The following OPCML variants were observed in gnomAD, a reference collection of about 807,000 sequenced individuals.
OPCML encodes the protein opioid-binding protein/cell adhesion molecule.
Under a neutral mutation model 37.8 loss-of-function variants are expected in OPCML, and 13 were observed. The observed-to-expected ratio is 0.34, with a 90% CI of 0.22 to 0.55. The LOEUF is 0.55. Among genes scored for constraint, OPCML ranks in the 20% least tolerant of loss-of-function variants. The probability of loss-of-function intolerance (pLI) is 0.91; values close to 1 mark genes in which losing one functional copy is unlikely to be tolerated. For missense variants in OPCML, 341 were observed against 435.6 expected (o/e 0.78, Z 1.93); for synonymous variants, 176 against 168.8 (o/e 1.04, Z -0.33).
intron 4 of OPCML, among the ~76,000 whole-genome samples, chr11:132,521,165 C>T (rs1253736059): frequency 1.3e-5 from 2 of 152,080 alleles, no homozygotes; most frequent in Non-Finnish European, 2.9e-5. Flanking sequence ...TTTTTGGCCA[C>T]ATAAATGTCT....
chr11:132,508,469 A>T (rs890770305), intron 4 of OPCML, among the ~76,000 whole-genome samples: 1 of 151,880 alleles, frequency 6.6e-6, no homozygotes, highest in Non-Finnish European at 1.5e-5. Flanking sequence ...GCCAAAAAAA[A>T]CATTGGACAA....
chr11:133,063,811 C>T lies in OPCML; in HGVS notation c.62-120801G>A, dbSNP rs187628968. Among the ~76,000 whole-genome samples the T allele has an allele frequency of 2.2e-3, 341 of 152,300 alleles. 3 individuals are homozygous for T. The highest frequency in any genetic ancestry group is 7.3e-3 in the African/African-American group (305 of 41,572). On this transcript the variant is annotated intron_variant, in intron 1 of 7. Transcript: ENST00000524381. ...TCCTGACCTCAGGTGATCCACCCAC[C>T]TTGGCCTCCCAAAGTGCTGGGATTA...
At chr11:132,839,495 G>A (rs1026949269) in intron 2 of OPCML, among the ~76,000 whole-genome samples, 1 of 152,206 alleles carries the variant, frequency 6.6e-6, no homozygotes, top group Non-Finnish European at 1.5e-5. Context: ...AGGTTTGCTA[G>A]AGCTTTATAA....
chr11:132,685,853 C>T (rs1943142211), intron 2 of OPCML, among the ~76,000 whole-genome samples: 1 of 152,184 alleles, frequency 6.6e-6, no homozygotes, highest in African/African-American at 2.4e-5. Flanking sequence ...AATCCTTTCT[C>T]AACAATGTAA....
At chr11:133,366,667 C>G (rs909911077) in intron 1 of OPCML, among the ~76,000 whole-genome samples, 20 of 152,138 alleles carry the variant, frequency 1.3e-4, no homozygotes, top group Admixed American at 4.6e-4. Context: ...AAAAGAATAC[C>G]CAGGTCTCTA....
rs1948113454 is a variant in OPCML at position 133,050,717 on chromosome 11, T to C, written c.62-107707A>G. Among the ~76,000 whole-genome samples the C allele has an allele frequency of 8.8e-5, 5 of 57,014 alleles. No individual in the cohort carries two copies. The South Asian group carries it at 2.8e-3, about 31-fold the overall frequency. The allele number at this position is 57,014 out of a possible 152,430, so 37.4% of individuals were successfully genotyped here. ...ATGGTCTACCAGTTTCTTCTTCTTC[T>C]TCCTTTTTTTTTTTTTTCAGTGCAT... On this transcript the variant is annotated intron_variant, in intron 1 of 7. Coordinates refer to ENST00000524381, the MANE Select transcript of OPCML (RefSeq NM_001012393.5).
At chr11:132,873,715 C>CAAAAAAAA (rs34642015) in intron 2 of OPCML, among the ~76,000 whole-genome samples, 1 of 111,254 alleles carries the variant, frequency 9.0e-6, no homozygotes, top group African/African-American at 3.2e-5. Context: ...CAGTTGGGCA[C>CAAAAAAAA]AAAAAAAAAA....
chr11:133,345,582 G>A (rs1943980977), intron 1 of OPCML, among the ~76,000 whole-genome samples: 1 of 152,146 alleles, frequency 6.6e-6, no homozygotes, highest in South Asian at 2.1e-4. Context: ...TGTCTTCACT[G>A]TCAGAGAACG....
rs79460946 is a variant in OPCML, at chr11:132,982,319, C to A, written c.62-39309G>T. ...GTGTGATCCCTCTCTCCTTTGAACACCTCTACCTTTCTCTCCCTCCTTAAC... is the reference window on the plus strand; with the variant it reads ...GTGTGATCCCTCTCTCCTTTGAACAACTCTACCTTTCTCTCCCTCCTTAAC... On this transcript the variant is annotated intron_variant, in intron 1 of 7. Transcript: ENST00000524381. Among the ~76,000 whole-genome samples the A allele has an allele frequency of 8.2e-5, 12 of 146,734 alleles. No individual in the cohort carries two copies. In the East Asian group the frequency reaches 2.2e-3, roughly 27 times the overall value.
intron 1 of OPCML, among the ~76,000 whole-genome samples, chr11:133,306,491 T>C (rs1273032208): frequency 2.0e-5 from 3 of 152,178 alleles, no homozygotes; most frequent in Non-Finnish European, 4.4e-5. Context: ...TGTCTTGGAA[T>C]AGGTATAAAA....
intron 1 of OPCML, among the ~76,000 whole-genome samples, chr11:133,470,897 G>A (rs1310100583): frequency 6.6e-6 from 1 of 152,124 alleles, no homozygotes; most frequent in African/African-American, 2.4e-5. Flanking sequence ...TCCAAACAAA[G>A]CTGGTCCCTG....
In OPCML at chr11:133,531,451, C is replaced by T. The variant is rs577080503; in HGVS notation, c.61+813G>A. On this transcript the variant is annotated intron_variant, in intron 1 of 7. Transcript: ENST00000524381. Reference sequence around the variant, plus strand: ...AGGCAAATCCAAATTTCCAACCTTCCCTCAGCAGGGACATCCCAAATTCTG... The same window carrying T: ...AGGCAAATCCAAATTTCCAACCTTCTCTCAGCAGGGACATCCCAAATTCTG... 2.0e-5 allele frequency among the ~76,000 whole-genome samples: 3 copies of T among 152,244 alleles called. No homozygotes were observed. The South Asian group carries it at 6.2e-4, about 32-fold the overall frequency.
intron 1 of OPCML, among the ~76,000 whole-genome samples, chr11:133,236,947 G>T (rs1044799077): frequency 1.3e-5 from 2 of 152,156 alleles, no homozygotes; most frequent in Non-Finnish European, 2.9e-5. Context: ...ATGTACTCTC[G>T]TGGCAAAACT....
intron 1 of OPCML, among the ~76,000 whole-genome samples, chr11:133,473,159 C>G (rs1947154749): frequency 6.6e-6 from 1 of 151,980 alleles, no homozygotes; most frequent in Non-Finnish European, 1.5e-5. Context: ...ACTTCTGGAA[C>G]TTGACTTTGA....
At chr11:132,678,761 T>TA (rs1247120392) in intron 2 of OPCML, among the ~76,000 whole-genome samples, 12 of 152,200 alleles carry the variant, frequency 7.9e-5, no homozygotes, top group African/African-American at 2.9e-4. Flanking sequence ...CAATGGGGCT[T>TA]ACAGGATAGT....
At chr11:132,816,468 T>C (rs1939644478) in intron 2 of OPCML, among the ~76,000 whole-genome samples, 1 of 152,230 alleles carries the variant, frequency 6.6e-6, no homozygotes, top group African/African-American at 2.4e-5. Context: ...CTTCTTGTGA[T>C]TTGTTTTCAA....
chr11:133,433,718 G>A (rs56330004), intron 1 of OPCML, among the ~76,000 whole-genome samples: 18,044 of 152,124 alleles, frequency 0.12, 1,198 homozygotes, highest in African/African-American at 0.15. Context: ...AACCCAGCCA[G>A]GTAGTCCCAC....
chr11:132,482,135 G>A (rs1158982028), intron 4 of OPCML, among the ~76,000 whole-genome samples: 1 of 149,516 alleles, frequency 6.7e-6, no homozygotes, highest in Non-Finnish European at 1.5e-5. Context: ...CCAGGAGCTG[G>A]TTTTTTGAAA....
intron 2 of OPCML, among the ~76,000 whole-genome samples, chr11:132,797,265 T>C (rs1324283138): frequency 2.0e-5 from 3 of 152,258 alleles, no homozygotes. Flanking sequence ...GTGATCCATG[T>C]TGGATTAATT....
Sources: allele counts gnomAD v4.1 joint callset (sites outside exome capture counted in the v4.1 genomes callset), GRCh38; gene constraint gnomAD v4.1.1; transcripts MANE v1.5; gene names NCBI Gene and HGNC (gene_info 2026-07-23, HGNC 2026-07-21).